The following LPIN2 variants were observed in gnomAD, a reference collection of about 807,000 sequenced individuals.
LPIN2 encodes phosphatidate phosphatase LPIN2.
A neutral mutation model predicts 111.4 loss-of-function variants in LPIN2; 55 were observed. The observed-to-expected ratio is 0.49, with a 90% CI of 0.40 to 0.62. The LOEUF (loss-of-function observed/expected upper bound fraction) is 0.62. Ranked by LOEUF, LPIN2 falls within the 20% of genes least tolerant of loss-of-function variation. The pLI is 0.00. For synonymous variants in LPIN2, 425 were observed against 414.0 expected, an observed-to-expected ratio of 1.03 and a Z score of -0.32; for missense variants, 992 against 1,112.1, an observed-to-expected ratio of 0.89 and a Z score of 1.54.
Position 2,946,292 on chromosome 18 carries a change from T to G in LPIN2, c.590+4763A>C, listed in dbSNP as rs747489908. Reference sequence around the variant, plus strand: ...TGGTTTTAATTCAGATAGTTCCTTCTCCTCAGTAGTCTTGACCTCAGGTTT... The same window carrying G: ...TGGTTTTAATTCAGATAGTTCCTTCGCCTCAGTAGTCTTGACCTCAGGTTT... On this transcript the variant is annotated intron_variant, in intron 4 of 19. Coordinates refer to ENST00000677752, the MANE Select transcript of LPIN2 (RefSeq NM_001375808.2). The G allele has an allele frequency of 1.0e-5, 16 of 1,524,546 alleles. No homozygotes were observed. In the African/African-American group the frequency reaches 1.9e-4, roughly 18 times the overall value. The allele number at this position is 1,524,546 out of a possible 1,614,324, so 94.4% of individuals were successfully genotyped here.
intron 2 of LPIN2, 104 bp downstream of exon 2, chr18:2,960,545 A>G (rs1204858362): frequency 2.9e-5 from 34 of 1,188,584 alleles, no homozygotes; most frequent in Non-Finnish European, 3.8e-5. Context: ...AAAACTCACA[A>G]TAGCGATTTA....
At chr18:2,979,409 G>C (rs1291847090) in intron 1 of LPIN2, among the ~76,000 whole-genome samples, 1 of 152,194 alleles carries the variant, frequency 6.6e-6, no homozygotes, top group Non-Finnish European at 1.5e-5. Flanking sequence ...TATCTGCCCA[G>C]CTGTGTTATT....
chr18:2,921,504 T>C, intron 18 of LPIN2, 29 bp downstream of exon 18: 1 of 1,533,668 alleles, frequency 6.5e-7, no homozygotes, highest in Non-Finnish European at 9.0e-7. Context: ...TTCACCCACA[T>C]CAGAACCCAG....
chr18:2,974,262 T>C (rs1456612404), intron 1 of LPIN2, among the ~76,000 whole-genome samples: 2 of 152,078 alleles, frequency 1.3e-5, no homozygotes, highest in African/African-American at 2.4e-5. Flanking sequence ...TATTTTTTAG[T>C]AGAGATGGGG....
intron 1 of LPIN2, among the ~76,000 whole-genome samples, chr18:2,997,382 C>T (rs1598609525): frequency 2.1e-5 from 1 of 47,972 alleles, no homozygotes; most frequent in Admixed American, 2.4e-4. Context: ...CCTCCTCAGC[C>T]TCCCAAAGTG....
chr18:2,921,751 C>T, intron 17 of LPIN2, 104 bp from the exon 18 acceptor site: 1 of 850,312 alleles, frequency 1.2e-6, no homozygotes, highest in South Asian at 1.4e-5. Flanking sequence ...TTCTTCAACC[C>T]TTTGTAACTG....
At chr18:2,982,720 G>A (rs376913480) in intron 1 of LPIN2, 2 of 1,303,840 alleles carry the variant, frequency 1.5e-6, no homozygotes, top group East Asian at 5.5e-5. Flanking sequence ...TTTACTTAAT[G>A]AGCCTTTACA....
intron 1 of LPIN2, among the ~76,000 whole-genome samples, chr18:3,002,440 A>T (rs2143479046): frequency 6.6e-6 from 1 of 152,296 alleles, no homozygotes; most frequent in Middle Eastern, 3.4e-3. Flanking sequence ...ATTTTAGTCA[A>T]ACGCTCACCT....
chr18:2,974,371 G>A (rs952974871), intron 1 of LPIN2, among the ~76,000 whole-genome samples: 17 of 152,180 alleles, frequency 1.1e-4, no homozygotes, highest in Admixed American at 4.6e-4. Context: ...GAGCCACCGC[G>A]CCTGGGCTTC....
At chr18:3,000,029 TG>T (rs1032356983) in intron 1 of LPIN2, among the ~76,000 whole-genome samples, 13 of 23,154 alleles carry the variant, frequency 5.6e-4, no homozygotes, top group African/African-American at 7.6e-4. Context: ...ATCTCTGTTT[TG>T]TTTTTTTTTT....
At chr18:2,997,561 C>T (rs1456695228) in intron 1 of LPIN2, among the ~76,000 whole-genome samples, 3 of 152,160 alleles carry the variant, frequency 2.0e-5, no homozygotes, top group Non-Finnish European at 4.4e-5. Context: ...ACAATGAAAC[C>T]AAGACAGTGC....
At chr18:2,991,944 G>A (rs1441549731) in intron 1 of LPIN2, among the ~76,000 whole-genome samples, 1 of 151,908 alleles carries the variant, frequency 6.6e-6, no homozygotes, top group Non-Finnish European at 1.5e-5. Context: ...GGAGGCAGAG[G>A]TTGCAGTGAG....
At position 2,917,060 on chromosome 18, in the gene LPIN2, A is replaced by C. The variant is rs923812545; in HGVS notation, c.*3233T>G. On this transcript the variant is annotated 3_prime_UTR_variant, in exon 20 of 20. Transcript: ENST00000677752. ...TTTGAACATCAAACACTGCACCAAAATATTAGCCATTCATCTTGCAACAAT... is the reference window on the plus strand; with the variant it reads ...TTTGAACATCAAACACTGCACCAAACTATTAGCCATTCATCTTGCAACAAT... 2 of 152,220 alleles carry C rather than the reference A, an allele frequency of 1.3e-5. No individual in the cohort carries two copies. Among genetic ancestry groups the C allele is most frequent in the African/African-American group, 4.8e-5 (2 of 41,464 alleles). 9.4% of individuals were successfully genotyped at this position (152,220 alleles called of 1,614,324 possible). A position where few individuals can be genotyped will look rare whatever the true frequency, so the allele number is the denominator to read the frequency against.
chr18:2,969,889 G>C (rs886226717), intron 1 of LPIN2, among the ~76,000 whole-genome samples: 14 of 152,238 alleles, frequency 9.2e-5, no homozygotes, highest in African/African-American at 3.4e-4. Context: ...AGTTGTTATG[G>C]GCTCAAGTTC....
chr18:2,944,343 T>A (rs2077413803), intron 4 of LPIN2, among the ~76,000 whole-genome samples: 1 of 59,988 alleles, frequency 1.7e-5, no homozygotes, highest in South Asian at 7.5e-4. Context: ...CTTTTTTTTT[T>A]TTTTTTTTTT....
rs1486044509 is a variant in LPIN2, at chr18:2,937,716, C to T, written c.1144G>A (p.Val382Ile). 3.7e-6 allele frequency: 6 copies of T among 1,614,024 alleles called. No individual in the cohort carries two copies. The highest frequency in any genetic ancestry group is 1.1e-5 in the South Asian group (1 of 91,088). ...CCTTTCTTCTTTGACGGCGAGTCTA[C>T]TTTAGCTGCCGGTTTGGATTCTGAG... ...APSESKPAAK[V>I]DSPSKKKGVH... Residue 382 changes from valine to isoleucine, a missense_variant, in exon 7 of 20, where the codon GTA becomes ATA. Transcript: ENST00000677752.
intron 2 of LPIN2, among the ~76,000 whole-genome samples, chr18:2,957,478 A>G (rs943955388): frequency 6.6e-6 from 1 of 152,226 alleles, no homozygotes; most frequent in South Asian, 2.1e-4. Flanking sequence ...AGCATTTCAG[A>G]TAAGGGATAC....
chr18:2,997,590 G>A (rs903993703), intron 1 of LPIN2, among the ~76,000 whole-genome samples: 1 of 152,180 alleles, frequency 6.6e-6, no homozygotes, highest in Non-Finnish European at 1.5e-5. Context: ...TGATCAAAAG[G>A]TGACTTCTGC....
chr18:2,942,845 A>T (rs1486815270), intron 4 of LPIN2, among the ~76,000 whole-genome samples: 1 of 152,234 alleles, frequency 6.6e-6, no homozygotes, highest in East Asian at 1.9e-4. Context: ...CAAACTAAGC[A>T]CGTGACGTGA....
Sources: allele counts gnomAD v4.1 joint callset (sites outside exome capture counted in the v4.1 genomes callset), GRCh38; gene constraint gnomAD v4.1.1; transcripts MANE v1.5; gene names NCBI Gene and HGNC (gene_info 2026-07-23, HGNC 2026-07-21).